Variants in MACROD1 observed in about 807,000 individuals in gnomAD.
MACROD1 encodes the protein mono-ADP ribosylhydrolase 1, also known as ADP-ribose glycohydrolase MACROD1.
A neutral mutation model predicts 41.4 loss-of-function variants in MACROD1; 31 were observed. The ratio of observed to expected loss-of-function variants is 0.75; its 90% CI spans 0.56 to 1.01. The LOEUF is 1.01. Among genes scored for constraint, MACROD1 ranks in the 50% least tolerant of loss-of-function variants. The probability of loss-of-function intolerance (pLI) is 0.00; values close to 1 mark genes in which losing one functional copy is unlikely to be tolerated. For synonymous variants in MACROD1, 252 were observed against 203.4 expected (o/e 1.24, Z -2.03); for missense variants, 473 against 460.0 (o/e 1.03, Z -0.26).
rs1393981531 is a variant in MACROD1, at chr11:64,036,878, G to A, written c.518-21597C>T. 6.6e-6 allele frequency among the ~76,000 whole-genome samples: 1 copy of A among 152,166 alleles called. No homozygotes were observed. Among genetic ancestry groups the A allele is most frequent in the Non-Finnish European group, 1.5e-5 (1 of 68,032 alleles). On this transcript the variant is annotated intron_variant, in intron 3 of 10. Coordinates refer to ENST00000255681, the MANE Select transcript of MACROD1 (RefSeq NM_014067.4). This position sits in a 1 kb window ranked among gnomAD's most constrained non-coding sequence, Gnocchi z 5.6. ...CCGGCGGCGCACGCCCCTCCTCGCG[G>A]GCACTGGAGACCCCGGGGAGGAAGG...
chr11:64,123,510 G>C (rs1057039832), intron 3 of MACROD1, among the ~76,000 whole-genome samples: 4 of 143,818 alleles, frequency 2.8e-5, no homozygotes, highest in African/African-American at 1.0e-4. Context: ...CTGCATAGCA[G>C]GGACTTTCTG....
intron 3 of MACROD1, among the ~76,000 whole-genome samples, chr11:64,054,974 C>T (rs904645679): frequency 6.6e-6 from 1 of 152,160 alleles, no homozygotes; most frequent in Non-Finnish European, 1.5e-5. Flanking sequence ...GATCTCCTAC[C>T]AGCCCTTTCC....
intron 3 of MACROD1, among the ~76,000 whole-genome samples, chr11:64,020,267 G>A (rs1943135762): frequency 6.6e-6 from 1 of 152,152 alleles, no homozygotes; most frequent in African/African-American, 2.4e-5. Flanking sequence ...TCCTTTCCCT[G>A]TCTGGAAGAC....
intron 3 of MACROD1, among the ~76,000 whole-genome samples, chr11:64,139,463 G>A (rs1374853823): frequency 1.3e-5 from 2 of 152,164 alleles, no homozygotes; most frequent in African/African-American, 2.4e-5. Context: ...CACCGCAGAG[G>A]AGCCCTGTCC....
chr11:64,085,807 G>A (rs896420146), intron 3 of MACROD1, among the ~76,000 whole-genome samples: 1 of 152,220 alleles, frequency 6.6e-6, no homozygotes, highest in South Asian at 2.1e-4. Flanking sequence ...AGCTGGGCAA[G>A]TCGGGGAATA....
At chr11:64,097,888 C>G (rs1944605585) in intron 3 of MACROD1, among the ~76,000 whole-genome samples, 1 of 152,162 alleles carries the variant, frequency 6.6e-6, no homozygotes, top group South Asian at 2.1e-4. Flanking sequence ...GTCCATGGCT[C>G]TCTTGGTGGT....
At position 64,122,492 on chromosome 11, in the gene MACROD1, C is replaced by A. The variant is rs111560630; in HGVS notation, c.517+28747G>T. 1.2e-3 allele frequency among the ~76,000 whole-genome samples: 180 copies of A among 152,382 alleles called. No individual in the cohort carries two copies. The highest frequency in any genetic ancestry group is 4.0e-3 in the African/African-American group (166 of 41,588). ...CCTCTTCTCCCTCCCTCTACACAGG[C>A]ACCGGGTCTCCTCCTTCCCCTGGGG... On this transcript the variant is annotated intron_variant, in intron 3 of 10. Transcript: ENST00000255681. The surrounding 1 kb of genome is among the most constrained non-coding windows in gnomAD (Gnocchi z 4.0).
At chr11:64,138,424 T>G in intron 3 of MACROD1, 1 of 792,414 alleles carries the variant, frequency 1.3e-6, no homozygotes, top group Non-Finnish European at 1.5e-6. Context: ...TCCTCACAAA[T>G]GTCAATTCTG....
intron 1 of MACROD1, among the ~76,000 whole-genome samples, chr11:64,160,989 T>C (rs539043528): frequency 6.1e-4 from 92 of 151,802 alleles, no homozygotes; most frequent in Middle Eastern, 6.8e-3. Flanking sequence ...CTGGCCAACA[T>C]GGTGAAACTC....
chr11:64,027,342 G>A (rs1049939193), intron 3 of MACROD1, among the ~76,000 whole-genome samples: 1 of 152,204 alleles, frequency 6.6e-6, no homozygotes, highest in Non-Finnish European at 1.5e-5. Context: ...GCTGGGGAAG[G>A]GAGCAGATTG....
rs1377810201 is a variant in MACROD1, at chr11:64,067,335, G to A, written c.518-52054C>T. 6.6e-6 allele frequency among the ~76,000 whole-genome samples: 1 copy of A among 152,162 alleles called. No homozygotes were observed. The highest frequency in any genetic ancestry group is 1.5e-5 in the Non-Finnish European group (1 of 68,028). On this transcript the variant is annotated intron_variant, in intron 3 of 10. Transcript: ENST00000255681. The surrounding 1 kb of genome is among the most constrained non-coding windows in gnomAD (Gnocchi z 4.6). Reference sequence around the variant, plus strand: ...TGCTCAGCCTCTCCCGGAGGATGGTGAGGGGGGAATCCATTATCGGGCAAA... The same window carrying A: ...TGCTCAGCCTCTCCCGGAGGATGGTAAGGGGGGAATCCATTATCGGGCAAA...
intron 3 of MACROD1, among the ~76,000 whole-genome samples, chr11:64,079,281 T>C (rs1180808963): frequency 6.6e-6 from 1 of 151,944 alleles, no homozygotes; most frequent in East Asian, 1.9e-4. Flanking sequence ...CTGTGCTGTG[T>C]GCAGCTGGCG....
chr11:64,005,022 C>CTTTATTTATTTATTTA (rs60973367), intron 4 of MACROD1, among the ~76,000 whole-genome samples: 3,282 of 147,630 alleles, frequency 0.022, 93 homozygotes, highest in African/African-American at 0.049. Flanking sequence ...CTAAGATCCA[C>CTTTATTTATTTATTTA]TTTATTTATT....
At position 64,122,303 on chromosome 11, in the gene MACROD1, G is replaced by C. The variant is rs1228473609; in HGVS notation, c.517+28936C>G. Among the ~76,000 whole-genome samples, 1 of 152,212 alleles carries C rather than the reference G, an allele frequency of 6.6e-6. No homozygotes were observed. Among genetic ancestry groups the C allele is most frequent in the Admixed American group, 6.5e-5 (1 of 15,284 alleles). On this transcript the variant is annotated intron_variant, in intron 3 of 10. Coordinates refer to ENST00000255681, the MANE Select transcript of MACROD1 (RefSeq NM_014067.4). The surrounding 1 kb of genome is among the most constrained non-coding windows in gnomAD (Gnocchi z 4.0). ...GCATGCGGCGGCCAGGGGCCTCCCT[G>C]ACACAGGGCCAGGATGCAGGTCCGG...
chr11:64,017,823 C>A (rs941548497), intron 3 of MACROD1, among the ~76,000 whole-genome samples: 1 of 152,176 alleles, frequency 6.6e-6, no homozygotes, highest in African/African-American at 2.4e-5. Context: ...ACACCGGCCA[C>A]AAATGAGCTG....
chr11:64,116,324 G>C (rs547325012), intron 3 of MACROD1: 1 of 1,609,738 alleles, frequency 6.2e-7, no homozygotes, highest in Admixed American at 1.7e-5. Flanking sequence ...CCACTGTCAC[G>C]GCCACCGTTG....
chr11:64,070,838 T>A (rs1944095791), intron 3 of MACROD1, among the ~76,000 whole-genome samples: 1 of 152,140 alleles, frequency 6.6e-6, no homozygotes, highest in African/African-American at 2.4e-5. Context: ...CTTTCTCGTT[T>A]TGGAAGAGGG....
At chr11:64,029,369 G>C (rs1161885969) in intron 3 of MACROD1, among the ~76,000 whole-genome samples, 1 of 152,122 alleles carries the variant, frequency 6.6e-6, no homozygotes, top group African/African-American at 2.4e-5. Context: ...GACGGGGTGG[G>C]GGGATCCCCA....
chr11:64,070,308 C>T (rs1352392050), intron 3 of MACROD1, among the ~76,000 whole-genome samples: 1 of 152,130 alleles, frequency 6.6e-6, no homozygotes, highest in Non-Finnish European at 1.5e-5. Flanking sequence ...TCGGAGCCTC[C>T]TCATGTTCCC....
Sources: allele counts gnomAD v4.1 joint callset (sites outside exome capture counted in the v4.1 genomes callset), GRCh38; gene constraint gnomAD v4.1.1; non-coding constraint Gnocchi (gnomAD v3.1); transcripts MANE v1.5; gene names NCBI Gene and HGNC (gene_info 2026-07-23, HGNC 2026-07-21).